TTC28: variants seen among roughly 807,000 people sequenced by gnomAD.
TTC28 encodes the protein tetratricopeptide repeat protein 28.
A neutral mutation model predicts 198.0 loss-of-function variants in TTC28; 61 were observed. The observed-to-expected ratio is 0.31, with a 90% CI of 0.25 to 0.38. The LOEUF (loss-of-function observed/expected upper bound fraction) is 0.38. Ranked by LOEUF, TTC28 falls within the 10% of genes least tolerant of loss-of-function variation. The pLI is 1.00. For missense variants in TTC28, 2,678 were observed against 3,164.0 expected (o/e 0.85, Z 3.69); for synonymous variants, 1,171 against 1,297.8 (o/e 0.90, Z 2.10).
chr22:28,675,324 T>C (rs1204794433), intron 1 of TTC28, among the ~76,000 whole-genome samples: 1 of 152,174 alleles, frequency 6.6e-6, no homozygotes, highest in Non-Finnish European at 1.5e-5. Flanking sequence ...GGGTAAATCA[T>C]AGGGCTAAAT....
chr22:28,580,703 T>C (rs192554837), intron 2 of TTC28, among the ~76,000 whole-genome samples: 4 of 152,334 alleles, frequency 2.6e-5, no homozygotes, highest in African/African-American at 7.2e-5. Context: ...TTATAATTAT[T>C]TTTATCTGAA....
intron 2 of TTC28, among the ~76,000 whole-genome samples, chr22:28,581,772 T>A (rs1430297957): frequency 6.6e-6 from 1 of 152,208 alleles, no homozygotes; most frequent in African/African-American, 2.4e-5. Context: ...AAAGAACATT[T>A]CTTCCTTTTG....
chr22:28,583,528 A>G (rs2050262380), intron 2 of TTC28, among the ~76,000 whole-genome samples: 1 of 152,204 alleles, frequency 6.6e-6, no homozygotes, highest in Non-Finnish European at 1.5e-5. Context: ...ACTGTGAACT[A>G]AAGAGTTACA....
At chr22:28,022,350 C>A (rs949376471) in intron 13 of TTC28, among the ~76,000 whole-genome samples, 1 of 152,248 alleles carries the variant, frequency 6.6e-6, no homozygotes, top group Non-Finnish European at 1.5e-5. Flanking sequence ...GGTGTGGCTG[C>A]CATTTCTCAG....
intron 2 of TTC28, among the ~76,000 whole-genome samples, chr22:28,309,457 G>T (rs1023527140): frequency 3.9e-5 from 6 of 152,310 alleles, no homozygotes; most frequent in African/African-American, 1.4e-4. Context: ...CCATAGGCTT[G>T]CCAGCCTTCT....
At chr22:28,321,813 T>C (rs763215952) in intron 2 of TTC28, among the ~76,000 whole-genome samples, 13 of 152,120 alleles carry the variant, frequency 8.5e-5, no homozygotes, top group African/African-American at 1.2e-4. Context: ...CTAAAATAGG[T>C]ATCACGTTTG....
At chr22:28,122,621 A>G (rs1481229797) in intron 6 of TTC28, among the ~76,000 whole-genome samples, 1 of 152,148 alleles carries the variant, frequency 6.6e-6, no homozygotes, top group Non-Finnish European at 1.5e-5. Flanking sequence ...CTGAAATCAT[A>G]TTATATGCAC....
chr22:28,528,784 A>G (rs2049066014), intron 2 of TTC28, among the ~76,000 whole-genome samples: 1 of 151,874 alleles, frequency 6.6e-6, no homozygotes, highest in African/African-American at 2.4e-5. Flanking sequence ...AAACTGAGAC[A>G]GATGAAGTAA....
intron 2 of TTC28, among the ~76,000 whole-genome samples, chr22:28,391,043 A>G (rs1452818263): frequency 6.6e-6 from 1 of 152,076 alleles, no homozygotes; most frequent in Non-Finnish European, 1.5e-5. Context: ...CCTGGTGGTG[A>G]CAAAATCTCT....
At chr22:28,104,695 C>T (rs1185986579) in intron 8 of TTC28, among the ~76,000 whole-genome samples, 1 of 152,126 alleles carries the variant, frequency 6.6e-6, no homozygotes, top group Non-Finnish European at 1.5e-5. Flanking sequence ...TGGCACCAAC[C>T]CAAGCACTGT....
chr22:28,223,262 T>G (rs1159417042), intron 5 of TTC28, among the ~76,000 whole-genome samples: 1 of 152,200 alleles, frequency 6.6e-6, no homozygotes, highest in East Asian at 1.9e-4. Context: ...AATAGGCTCC[T>G]TCCTTTCAGA....
At chr22:28,120,221 C>T (rs547735062) in intron 6 of TTC28, among the ~76,000 whole-genome samples, 9 of 152,234 alleles carry the variant, frequency 5.9e-5, no homozygotes, top group Middle Eastern at 3.4e-3. Flanking sequence ...TCTCCTAAGC[C>T]GTAGTCTCAT....
rs111567025 is a variant in TTC28 at position 28,557,380 on chromosome 22, T to C, written c.381+72172A>G. ...TTCTCTGCCTCTGTGCTACATTCTT[T>C]GTGATTTCTTCAAACCATCTTCTAG... is the stretch of plus-strand genomic sequence containing the variant. On this transcript the variant is annotated intron_variant, in intron 2 of 22. Coordinates refer to ENST00000397906, the MANE Select transcript of TTC28 (RefSeq NM_001145418.2). Among the ~76,000 whole-genome samples the C allele has an allele frequency of 9.7e-4, 148 of 152,336 alleles. 1 individual carries two copies. Among genetic ancestry groups the C allele is most frequent in the African/African-American group, 3.3e-3 (137 of 41,590 alleles).
chr22:27,998,457 C>T, intron 16 of TTC28, 83 bp downstream of exon 16: 5 of 1,472,250 alleles, frequency 3.4e-6, no homozygotes, highest in South Asian at 2.8e-5. Flanking sequence ...CCCTCCCCAA[C>T]CCCACTGGCA....
At chr22:28,671,664 T>A (rs371933646) in intron 1 of TTC28, among the ~76,000 whole-genome samples, 56 of 147,704 alleles carry the variant, frequency 3.8e-4, no homozygotes, top group African/African-American at 1.4e-3. Context: ...ATTTCTTCCA[T>A]TATGTGGATT....
chr22:28,420,455 A>G lies in TTC28; in HGVS notation c.382-113812T>C, dbSNP rs560700578. Among the ~76,000 whole-genome samples the G allele has an allele frequency of 2.6e-5, 4 of 152,106 alleles. No individual in the cohort carries two copies. The South Asian group carries it at 6.2e-4, about 24-fold the overall frequency. ...CAATAATTCTCAAAAACACACTTAA[A>G]GAGAGAGACCATGTAAGCTTTAACT... On this transcript the variant is annotated intron_variant, in intron 2 of 22. Coordinates refer to ENST00000397906, the MANE Select transcript of TTC28 (RefSeq NM_001145418.2).
intron 2 of TTC28, among the ~76,000 whole-genome samples, chr22:28,460,260 T>C (rs2047927985): frequency 6.6e-6 from 1 of 152,144 alleles, no homozygotes; most frequent in Non-Finnish European, 1.5e-5. Flanking sequence ...TGGGTAAAGG[T>C]TGATTGTGGT....
At chr22:28,101,335 C>A in intron 8 of TTC28, 55 bp from the exon 9 acceptor site, 1 of 1,369,124 alleles carries the variant, frequency 7.3e-7, no homozygotes. Flanking sequence ...ATTCCACTAT[C>A]CTAAGGAGTC....
At chr22:27,985,902 C>A (rs1343255335) in intron 21 of TTC28, 1 of 155,138 alleles carries the variant, frequency 6.4e-6, no homozygotes, top group Non-Finnish European at 1.5e-5. Flanking sequence ...TGCCAAAGCC[C>A]AGGGGTGCTG....
Sources: allele counts gnomAD v4.1 joint callset (sites outside exome capture counted in the v4.1 genomes callset), GRCh38; gene constraint gnomAD v4.1.1; transcripts MANE v1.5; gene names NCBI Gene and HGNC (gene_info 2026-07-23, HGNC 2026-07-21).